CHIC1: variants seen among roughly 807,000 people sequenced by gnomAD.
CHIC1 encodes the protein cysteine-rich hydrophobic domain-containing protein 1.
CHIC1 carries 7 observed loss-of-function variants against 18.5 expected under a neutral mutation model. The ratio of observed to expected loss-of-function variants is 0.38; its 90% CI spans 0.22 to 0.71. The LOEUF (loss-of-function observed/expected upper bound fraction) is 0.71, where lower values mean the gene tolerates loss of function less well. Ranked by LOEUF, CHIC1 falls within the 30% of genes least tolerant of loss-of-function variation. The pLI is 0.49. For missense variants in CHIC1, 159 were observed against 176.9 expected (o/e 0.90, Z 0.57); for synonymous variants, 77 against 73.5 (o/e 1.05, Z -0.25).
At chrX:73,630,079 A>G (rs1259538399) in intron 3 of CHIC1, among the ~76,000 whole-genome samples, 1 of 112,069 alleles carries the variant, frequency 8.9e-6, no homozygotes, top group Non-Finnish European at 1.9e-5. Flanking sequence ...GTATAAAAAC[A>G]CAACTGTTTT....
chrX:73,659,543 C>T (rs917301586), intron 3 of CHIC1, among the ~76,000 whole-genome samples: 6 of 110,080 alleles, frequency 5.5e-5, no homozygotes, highest in Non-Finnish European at 9.5e-5. Flanking sequence ...GGCAGGAATG[C>T]CTTAGATTGT....
At chrX:73,621,395 C>T (rs1472711607) in intron 3 of CHIC1, among the ~76,000 whole-genome samples, 1 of 111,697 alleles carries the variant, frequency 9.0e-6, no homozygotes, top group African/African-American at 3.3e-5. Context: ...TATAGTTCTC[C>T]TTGAAGAGGT....
intron 3 of CHIC1, among the ~76,000 whole-genome samples, chrX:73,649,597 C>T (rs1290960529): frequency 8.9e-6 from 1 of 111,765 alleles, no homozygotes; most frequent in Non-Finnish European, 1.9e-5. Flanking sequence ...CAAAGAAGGA[C>T]ATTACATAAT....
At chrX:73,605,047 A>G (rs769348323) in intron 3 of CHIC1, among the ~76,000 whole-genome samples, 2 of 107,932 alleles carry the variant, frequency 1.9e-5, no homozygotes, top group Non-Finnish European at 3.8e-5. Flanking sequence ...CAAGTCTTGA[A>G]TATCGTTCTT....
chrX:73,633,231 C>T (rs907707395), intron 3 of CHIC1, among the ~76,000 whole-genome samples: 4 of 108,921 alleles, frequency 3.7e-5, no homozygotes, highest in African/African-American at 1.0e-4. Context: ...TCCCTCCCCC[C>T]ACTGCCCCCC....
At chrX:73,658,375 A>G (rs1438268184) in intron 3 of CHIC1, among the ~76,000 whole-genome samples, 2 of 97,602 alleles carry the variant, frequency 2.0e-5, no homozygotes, top group Non-Finnish European at 4.0e-5. Flanking sequence ...AGGAGGTTGT[A>G]TGTGCCCAGG....
intron 3 of CHIC1, among the ~76,000 whole-genome samples, chrX:73,598,329 CT>C (rs111340285): frequency 7.7e-4 from 77 of 99,498 alleles, no homozygotes; most frequent in African/African-American, 1.6e-3. Flanking sequence ...TTGCATTTCT[CT>C]TTTTTTTTTT....
chrX:73,567,882 C>T (rs1328711282), intron 1 of CHIC1, among the ~76,000 whole-genome samples: 1 of 109,787 alleles, frequency 9.1e-6, no homozygotes, highest in Admixed American at 9.8e-5. Context: ...GTTTCCCTGG[C>T]TCCCATTTCC....
chrX:73,591,952 C>T (rs2057583876), intron 3 of CHIC1, among the ~76,000 whole-genome samples: 1 of 111,435 alleles, frequency 9.0e-6, no homozygotes, highest in Admixed American at 9.6e-5. Context: ...CCTCTTTGTT[C>T]TCCTTAAATA....
chrX:73,638,740 CTGT>C (rs1433563951), intron 3 of CHIC1, among the ~76,000 whole-genome samples: 3 of 111,007 alleles, frequency 2.7e-5, no homozygotes, highest in African/African-American at 9.8e-5. Flanking sequence ...CCCTGTGTTC[CTGT>C]TGTTTAACTC....
chrX:73,668,718 C>T (rs189034477), intron 3 of CHIC1, among the ~76,000 whole-genome samples: 2 of 111,974 alleles, frequency 1.8e-5, no homozygotes, highest in East Asian at 5.7e-4. Flanking sequence ...CAGCCTATTC[C>T]TCTGGAAGCT....
chrX:73,597,932 C>T (rs1409231073), intron 3 of CHIC1, among the ~76,000 whole-genome samples: 2 of 111,125 alleles, frequency 1.8e-5, no homozygotes, highest in African/African-American at 6.5e-5. Context: ...GATCCATGTC[C>T]CTGCAAAGAA....
intron 3 of CHIC1, among the ~76,000 whole-genome samples, chrX:73,591,033 GC>G (rs1422047143): frequency 9.0e-6 from 1 of 111,329 alleles, no homozygotes; most frequent in Non-Finnish European, 1.9e-5. Flanking sequence ...AAGTCGCTGT[GC>G]CATTTTGTAT....
intron 3 of CHIC1, among the ~76,000 whole-genome samples, chrX:73,607,682 C>G (rs896890309): frequency 4.6e-5 from 5 of 108,463 alleles, no homozygotes; most frequent in Non-Finnish European, 9.4e-5. Flanking sequence ...GTAACTGGGC[C>G]GGAATGCATT....
chrX:73,620,218 C>A (rs2057753539), intron 3 of CHIC1, among the ~76,000 whole-genome samples: 2 of 111,902 alleles, frequency 1.8e-5, no homozygotes, highest in South Asian at 3.8e-4. Flanking sequence ...TGGGTGTATA[C>A]CCAGTAATGG....
At chrX:73,675,752 G>A (rs1319250643) in intron 3 of CHIC1, among the ~76,000 whole-genome samples, 1 of 111,162 alleles carries the variant, frequency 9.0e-6, no homozygotes, top group African/African-American at 3.3e-5. Context: ...ATATTGTTAT[G>A]TGTGAATTTG....
intron 3 of CHIC1, among the ~76,000 whole-genome samples, chrX:73,634,686 T>A (rs1385738381): frequency 9.0e-6 from 1 of 111,590 alleles, no homozygotes; most frequent in Non-Finnish European, 1.9e-5. Flanking sequence ...GTGCTCTCCC[T>A]CCCCTTCTTT....
intron 3 of CHIC1, among the ~76,000 whole-genome samples, chrX:73,588,425 G>T (rs1213798842): frequency 9.0e-6 from 1 of 110,757 alleles, no homozygotes; most frequent in African/African-American, 3.3e-5. Flanking sequence ...CATAAAATTT[G>T]CATTTTTAAC....
Position 73,683,319 on chromosome X carries a change from AC to A in CHIC1, c.*2317del, listed in dbSNP as rs2058107081. 1 of 111,691 alleles carries A rather than the reference AC, an allele frequency of 9.0e-6. No individual in the cohort carries two copies. The highest frequency in any genetic ancestry group is 1.9e-5 in the Non-Finnish European group (1 of 52,929). The allele number at this position is 111,691 out of a possible 1,213,427, so 9.2% of individuals were successfully genotyped here. A position where few individuals can be genotyped will look rare whatever the true frequency, so the allele number is the denominator to read the frequency against. ...TTGACTCATCTTAGTTTCTTCAACT[AC>A]CCAAAAAAATACCAATTTTTTTCCT... On this transcript the variant is annotated 3_prime_UTR_variant, in exon 6 of 6. Coordinates refer to ENST00000373502, the MANE Select transcript of CHIC1 (RefSeq NM_001039840.4).
Sources: gnomAD v4.1 joint callset for allele counts (sites outside exome capture counted in the v4.1 genomes callset) on GRCh38, gnomAD v4.1.1 for gene constraint, MANE v1.5 for transcripts, NCBI Gene and HGNC (gene_info 2026-07-23, HGNC 2026-07-21) for gene names.